TENM3: variants seen among roughly 807,000 people sequenced by gnomAD.
TENM3 encodes the protein teneurin-3.
A neutral mutation model predicts 255.1 loss-of-function variants in TENM3; 63 were observed. The ratio of observed to expected loss-of-function variants is 0.25; its 90% CI spans 0.20 to 0.30. The LOEUF (loss-of-function observed/expected upper bound fraction) is 0.30. Among genes scored for constraint, TENM3 ranks in the 10% least tolerant of loss-of-function variants. TENM3 has a pLI of 1.00. For synonymous variants in TENM3, 1,306 were observed against 1,322.3 expected (o/e 0.99, Z 0.27); for missense variants, 2,929 against 3,461.1 (o/e 0.85, Z 3.86).
Position 182,774,574 on chromosome 4 carries a change from C to T in TENM3, c.5069-344C>T, listed in dbSNP as rs114122798. Among the ~76,000 whole-genome samples, 1,182 of 152,178 alleles carry T rather than the reference C, an allele frequency of 7.8e-3. 15 individuals are homozygous for T. The highest frequency in any genetic ancestry group is 0.028 in the African/African-American group (1,142 of 41,506). On this transcript the variant is annotated intron_variant, in intron 23 of 27. Coordinates refer to ENST00000511685, the MANE Select transcript of TENM3 (RefSeq NM_001080477.4). The stretch of plus-strand genomic sequence containing the variant: ...TCCAAGACCTTGGAGGTGTGTACAC[C>T]GCGCTCCTGAGAGATCACATATGTG...
intron 3 of TENM3, among the ~76,000 whole-genome samples, chr4:182,488,066 G>A (rs1033256628): frequency 4.6e-5 from 7 of 152,086 alleles, no homozygotes; most frequent in Non-Finnish European, 1.0e-4. Context: ...CAAAAGCAAG[G>A]ACATAAAAAT....
the TENM3 span, among the ~76,000 whole-genome samples, chr4:182,040,380 C>T: frequency 1.4e-3 from 209 of 152,220 alleles, 2 homozygotes; most frequent in African/African-American, 4.6e-3. Flanking sequence ...GTCATCTACT[C>T]CTTTACTCTT....
At chr4:182,367,413 T>C (rs751551330) in intron 3 of TENM3, among the ~76,000 whole-genome samples, 4 of 152,030 alleles carry the variant, frequency 2.6e-5, no homozygotes, top group Admixed American at 1.3e-4. Flanking sequence ...CCAGTCTAGG[T>C]CCTAGAGCAG....
chr4:181,753,349 A>G, the TENM3 span, among the ~76,000 whole-genome samples: 3 of 151,994 alleles, frequency 2.0e-5, no homozygotes, highest in African/African-American at 4.8e-5. Flanking sequence ...AACCTATGCC[A>G]TTGAATCCTT....
At chr4:182,153,638 A>G (rs1475773046) in intron 1 of TENM3, among the ~76,000 whole-genome samples, 1 of 152,128 alleles carries the variant, frequency 6.6e-6, no homozygotes, top group African/African-American at 2.4e-5. Flanking sequence ...CAAATGAGAG[A>G]TCTGAAGGAG....
chr4:181,601,412 T>G, the TENM3 span, among the ~76,000 whole-genome samples: 3 of 152,186 alleles, frequency 2.0e-5, no homozygotes, highest in Admixed American at 6.5e-5. Flanking sequence ...GTCAAGAAGC[T>G]GACTGGATTG....
chr4:181,637,516 G>C, the TENM3 span, among the ~76,000 whole-genome samples: 2 of 152,290 alleles, frequency 1.3e-5, no homozygotes, highest in East Asian at 3.9e-4. Context: ...AGGAGACCTG[G>C]AAATATAGTC....
At chr4:182,274,949 C>T (rs1002505793) in intron 1 of TENM3, among the ~76,000 whole-genome samples, 12 of 152,116 alleles carry the variant, frequency 7.9e-5, no homozygotes, top group Admixed American at 6.5e-5. Flanking sequence ...CTCGGCCTCC[C>T]GCATAGTTCA....
At chr4:182,277,762 C>T (rs909264204) in intron 1 of TENM3, among the ~76,000 whole-genome samples, 5 of 152,134 alleles carry the variant, frequency 3.3e-5, no homozygotes, top group Non-Finnish European at 7.4e-5. Flanking sequence ...CTACTTTTTT[C>T]TTTATTTTAC....
intron 1 of TENM3, among the ~76,000 whole-genome samples, chr4:182,208,446 A>G (rs935551951): frequency 6.6e-6 from 1 of 152,224 alleles, no homozygotes; most frequent in Admixed American, 6.5e-5. Context: ...GGCCAGGAGT[A>G]CAAATTAAGA....
chr4:181,890,577 G>A, the TENM3 span, among the ~76,000 whole-genome samples: 1 of 151,964 alleles, frequency 6.6e-6, no homozygotes, highest in Non-Finnish European at 1.5e-5. Flanking sequence ...AAAAATTTTT[G>A]CACTTAAGAT....
the TENM3 span, among the ~76,000 whole-genome samples, chr4:181,450,551 G>C: frequency 1.2e-3 from 190 of 152,098 alleles, no homozygotes; most frequent in Non-Finnish European, 1.2e-3. Flanking sequence ...AGAAACGTGT[G>C]GCCATTCGGT....
chr4:181,585,025 C>T, the TENM3 span, among the ~76,000 whole-genome samples: 2 of 142,904 alleles, frequency 1.4e-5, no homozygotes, highest in Non-Finnish European at 3.1e-5. Flanking sequence ...AAAAAATCCT[C>T]CTTTTTTCAA....
At chr4:182,338,322 C>T (rs919778541) in intron 2 of TENM3, among the ~76,000 whole-genome samples, 1 of 152,118 alleles carries the variant, frequency 6.6e-6, no homozygotes, top group Non-Finnish European at 1.5e-5. Context: ...TGGATAAAGG[C>T]ATTTTGCCCA....
chr4:181,813,699 G>A, the TENM3 span, among the ~76,000 whole-genome samples: 1 of 152,268 alleles, frequency 6.6e-6, no homozygotes, highest in Admixed American at 6.5e-5. Flanking sequence ...ATTTGAGAAT[G>A]GGGACAATGA....
the TENM3 span, among the ~76,000 whole-genome samples, chr4:181,909,343 A>C: frequency 6.6e-6 from 1 of 152,218 alleles, no homozygotes; most frequent in East Asian, 1.9e-4. Flanking sequence ...GTGGGGACTA[A>C]ATCAGGTGGG....
chr4:181,967,217 G>A, the TENM3 span, among the ~76,000 whole-genome samples: 5 of 152,082 alleles, frequency 3.3e-5, no homozygotes, highest in Non-Finnish European at 5.9e-5. Flanking sequence ...AGATACATGG[G>A]GCGCAGGTTT....
the TENM3 span, among the ~76,000 whole-genome samples, chr4:181,794,435 A>C: frequency 6.6e-6 from 1 of 152,058 alleles, no homozygotes; most frequent in Non-Finnish European, 1.5e-5. Context: ...TTTGACCAAC[A>C]TCTTCCTACA....
At chr4:181,450,035 ATATGT>A in the TENM3 span, among the ~76,000 whole-genome samples, 1 of 152,160 alleles carries the variant, frequency 6.6e-6, no homozygotes, top group Non-Finnish European at 1.5e-5. Flanking sequence ...CTACTATTTA[ATATGT>A]AGGAGAAATG....
Sources: gnomAD v4.1 joint callset for allele counts (sites outside exome capture counted in the v4.1 genomes callset) on GRCh38, gnomAD v4.1.1 for gene constraint, MANE v1.5 for transcripts, NCBI Gene and HGNC (gene_info 2026-07-23, HGNC 2026-07-21) for gene names.